The following WBP1L variants were observed in gnomAD, a reference collection of about 807,000 sequenced individuals.
The protein encoded by WBP1L is WW domain binding protein 1-like.
In WBP1L, 17 loss-of-function variants were observed where a neutral mutation model predicts 33.7. That is an observed-to-expected ratio of 0.50 (90% CI 0.34 to 0.76). The LOEUF (loss-of-function observed/expected upper bound fraction) is 0.76. Ranked by LOEUF, WBP1L falls within the 30% of genes least tolerant of loss-of-function variation. The probability of loss-of-function intolerance (pLI) is 0.01; values close to 1 mark genes in which losing one functional copy is unlikely to be tolerated. For synonymous variants in WBP1L, 173 were observed against 190.8 expected (o/e 0.91, Z 0.77); for missense variants, 389 against 469.4 (o/e 0.83, Z 1.58).
At chr10:102,810,870 CCCCTTCCCTCCCCTCTTTTCCTTT>C (rs1437376518) in intron 3 of WBP1L, among the ~76,000 whole-genome samples, 2 of 143,424 alleles carry the variant, frequency 1.4e-5, no homozygotes, top group Non-Finnish European at 3.1e-5. Context: ...CCCCTGCCCT[CCCCTTCCCTCCCCTCTTTTCCTTT>C]CCCTCCCCTC....
intron 1 of WBP1L, among the ~76,000 whole-genome samples, chr10:102,761,916 C>T (rs1843047005): frequency 6.6e-6 from 1 of 152,154 alleles, no homozygotes; most frequent in South Asian, 2.1e-4. Context: ...GGCGTGATCA[C>T]AGCTCACTGT....
rs748185090 is a variant in WBP1L at position 102,812,757 on chromosome 10, G to A, written c.518G>A (p.Gly173Glu). The A allele has an allele frequency of 1.1e-5, 17 of 1,613,536 alleles. No homozygotes were observed. Among genetic ancestry groups the A allele is most frequent in the Non-Finnish European group, 1.4e-5 (17 of 1,179,788 alleles). Residue 173 changes from glycine to glutamate, a missense_variant, in exon 4 of 4, where the codon GGA becomes GAA. By Grantham distance (98) the Gly-to-Glu change is moderately conservative. Coordinates refer to ENST00000448841, the MANE Select transcript of WBP1L (RefSeq NM_001083913.2). ...GSPPGIDPTR[G>E]SQGAQSSPLS... Reference sequence around the variant, plus strand: ...CCCCCGGGCATCGATCCCACCAGGGGATCCCAGGGGGCACAGAGCAGCCCC... The same window carrying A: ...CCCCCGGGCATCGATCCCACCAGGGAATCCCAGGGGGCACAGAGCAGCCCC...
At chr10:102,796,449 C>G (rs1303085791) in intron 1 of WBP1L, among the ~76,000 whole-genome samples, 2 of 152,206 alleles carry the variant, frequency 1.3e-5, no homozygotes, top group Non-Finnish European at 2.9e-5. Flanking sequence ...TGCCCAGCCT[C>G]TAGCCCTGTA....
At chr10:102,756,771 A>G (rs1041144739) in intron 1 of WBP1L, among the ~76,000 whole-genome samples, 1 of 152,016 alleles carries the variant, frequency 6.6e-6, no homozygotes, top group South Asian at 2.1e-4. Context: ...TTACATTCGC[A>G]TCAATAGGAT....
chr10:102,794,837 GTC>G (rs1482314671), intron 1 of WBP1L, among the ~76,000 whole-genome samples: 2 of 152,186 alleles, frequency 1.3e-5, no homozygotes. Context: ...ACACCAGCAT[GTC>G]TCTCTGAAGG....
chr10:102,761,739 G>C (rs568767879), intron 1 of WBP1L, among the ~76,000 whole-genome samples: 16 of 151,624 alleles, frequency 1.1e-4, no homozygotes, highest in Non-Finnish European at 2.4e-4. Flanking sequence ...AGTAGAGATG[G>C]GGTTTCACCA....
At chr10:102,811,213 A>AGACTTGGGGTCTCAAT (rs1590195782) in intron 3 of WBP1L, among the ~76,000 whole-genome samples, 1 of 152,070 alleles carries the variant, frequency 6.6e-6, no homozygotes, top group East Asian at 1.9e-4. Flanking sequence ...GGAGTCAGTT[A>AGACTTGGGGTCTCAAT]TAACGTGAGT....
chr10:102,787,165 T>C (rs1264115536), intron 1 of WBP1L, among the ~76,000 whole-genome samples: 1 of 152,234 alleles, frequency 6.6e-6, no homozygotes, highest in Non-Finnish European at 1.5e-5. Flanking sequence ...TTCTTAGCAG[T>C]GGCTTGCCCT....
At chr10:102,801,056 C>G (rs1265059182) in intron 2 of WBP1L, among the ~76,000 whole-genome samples, 1 of 151,996 alleles carries the variant, frequency 6.6e-6, no homozygotes, top group Non-Finnish European at 1.5e-5. Flanking sequence ...CACACACATA[C>G]TTACACACAC....
At chr10:102,797,130 A>T (rs552755846) in intron 1 of WBP1L, among the ~76,000 whole-genome samples, 1 of 152,218 alleles carries the variant, frequency 6.6e-6, no homozygotes, top group African/African-American at 2.4e-5. Context: ...ATTGAAAAGT[A>T]AAGAATTTCA....
intron 2 of WBP1L, among the ~76,000 whole-genome samples, chr10:102,799,113 C>T (rs1194036434): frequency 6.6e-6 from 1 of 152,150 alleles, no homozygotes; most frequent in East Asian, 1.9e-4. Flanking sequence ...ATCACTTGAG[C>T]CCAAGAGTTC....
At position 102,752,395 on chromosome 10, in the gene WBP1L, T is replaced by C. The variant is rs567097996; in HGVS notation, c.90+8252T>C. ...GCGAGTTTTCGGTGGGACTTGAAGC[T>C]TTGATATGCCGAATCTCACTGCCTT... On this transcript the variant is annotated intron_variant, in intron 1 of 3. Coordinates refer to ENST00000448841, the MANE Select transcript of WBP1L (RefSeq NM_001083913.2). Among the ~76,000 whole-genome samples, 5 of 152,298 alleles carry C rather than the reference T, an allele frequency of 3.3e-5. No individual in the cohort carries two copies. The South Asian group carries it at 1.0e-3, about 32-fold the overall frequency.
At chr10:102,775,117 C>CA (rs59486422) in intron 1 of WBP1L, among the ~76,000 whole-genome samples, 38,059 of 96,132 alleles carry the variant, frequency 0.4, 6,937 homozygotes, top group East Asian at 0.49. Context: ...GACCCTATCT[C>CA]AAAAAAAAAA....
chr10:102,792,363 G>A (rs927424896), intron 1 of WBP1L, among the ~76,000 whole-genome samples: 1 of 152,196 alleles, frequency 6.6e-6, no homozygotes, highest in Non-Finnish European at 1.5e-5. Context: ...CTGGGGTTTT[G>A]TTTTAGCCAT....
rs112010794 is a variant in WBP1L, at chr10:102,776,719, C to G, written c.91-21274C>G. On this transcript the variant is annotated intron_variant, in intron 1 of 3. Transcript: ENST00000448841. ...ACGGAGAAACAGCTGAAGAATGGGG[C>G]TGGGGAAGGGGAGAGGCAGAGTGCG... 4.7e-3 allele frequency among the ~76,000 whole-genome samples: 717 copies of G among 152,232 alleles called. 10 individuals are homozygous for G. The highest frequency in any genetic ancestry group is 0.017 in the African/African-American group (697 of 41,548).
At chr10:102,807,205 A>G (rs1843749392) in intron 2 of WBP1L, among the ~76,000 whole-genome samples, 1 of 152,220 alleles carries the variant, frequency 6.6e-6, no homozygotes, top group Non-Finnish European at 1.5e-5. Flanking sequence ...AACTCATCTT[A>G]AAATTATTCC....
intron 2 of WBP1L, among the ~76,000 whole-genome samples, chr10:102,807,535 A>C (rs536795513): frequency 1.3e-5 from 2 of 151,948 alleles, no homozygotes; most frequent in African/African-American, 4.8e-5. Context: ...ATGCCCAGCT[A>C]ATTTTTGTAT....
chr10:102,766,144 A>T (rs570683960), intron 1 of WBP1L, among the ~76,000 whole-genome samples: 232 of 151,966 alleles, frequency 1.5e-3, no homozygotes, highest in African/African-American at 5.2e-3. Context: ...TATAAAGATT[A>T]AAAAAAATTA....
chr10:102,795,419 A>C (rs1439007320), intron 1 of WBP1L, among the ~76,000 whole-genome samples: 1 of 152,224 alleles, frequency 6.6e-6, no homozygotes, highest in Admixed American at 6.5e-5. Context: ...TGATGCTTCC[A>C]CTGTTCTGCT....
Sources: gnomAD v4.1 joint callset for allele counts (sites outside exome capture counted in the v4.1 genomes callset) on GRCh38, gnomAD v4.1.1 for gene constraint, MANE v1.5 for transcripts, NCBI Gene and HGNC (gene_info 2026-07-23, HGNC 2026-07-21) for gene names.